The following EIF4G3 variants were observed in gnomAD, a reference collection of about 807,000 sequenced individuals.
EIF4G3 encodes the protein eIF-4-gamma 3.
EIF4G3 carries 34 observed loss-of-function variants against 186.4 expected under a neutral mutation model. The ratio of observed to expected loss-of-function variants is 0.18; its 90% CI spans 0.14 to 0.24. The LOEUF is 0.24. EIF4G3 is among the 10% of genes least tolerant of loss of function. EIF4G3 has a pLI of 1.00. For synonymous variants in EIF4G3, 673 were observed against 679.5 expected (o/e 0.99, Z 0.15); for missense variants, 1,536 against 1,948.5 (o/e 0.79, Z 3.99).
At chr1:21,166,675 T>C (rs2097860524) in intron 2 of EIF4G3, among the ~76,000 whole-genome samples, 1 of 152,048 alleles carries the variant, frequency 6.6e-6, no homozygotes, top group Admixed American at 6.6e-5. Context: ...TGCAGTGAGC[T>C]GAGATGGAGA....
intron 33 of EIF4G3, among the ~76,000 whole-genome samples, 173 bp from the exon 34 acceptor site, chr1:20,817,711 G>T (rs1472333701): frequency 2.2e-5 from 3 of 137,146 alleles, no homozygotes; most frequent in South Asian, 2.3e-4. Context: ...TTTGAGACAG[G>T]GTCTTGCTCT....
chr1:20,843,634 T>A (rs1044415316), intron 29 of EIF4G3, among the ~76,000 whole-genome samples: 5 of 152,214 alleles, frequency 3.3e-5, no homozygotes, highest in Admixed American at 3.3e-4. Flanking sequence ...ATTAGCTATA[T>A]CATGATATAT....
At chr1:21,023,260 C>T (rs1328402693) in intron 4 of EIF4G3, among the ~76,000 whole-genome samples, 2 of 120,144 alleles carry the variant, frequency 1.7e-5, no homozygotes, top group Non-Finnish European at 3.5e-5. Context: ...CCCCCCCTCC[C>T]CCTCCCTCTC....
At chr1:20,980,210 T>C in intron 10 of EIF4G3, 124 bp downstream of exon 10, 1 of 664,146 alleles carries the variant, frequency 1.5e-6, no homozygotes, top group Non-Finnish European at 2.5e-6. Flanking sequence ...GAAAGAACTG[T>C]TAGCAGCATG....
At chr1:21,081,935 C>T (rs1300297042) in intron 3 of EIF4G3, among the ~76,000 whole-genome samples, 2 of 151,750 alleles carry the variant, frequency 1.3e-5, no homozygotes, top group Non-Finnish European at 2.9e-5. Flanking sequence ...GAGCCAACCA[C>T]GCACAGCCCC....
At chr1:21,137,740 G>A (rs186574000) in intron 2 of EIF4G3, among the ~76,000 whole-genome samples, 1 of 150,622 alleles carries the variant, frequency 6.6e-6, no homozygotes, top group Admixed American at 6.6e-5. Flanking sequence ...AGGATCACTT[G>A]AGCCTGGTGG....
chr1:20,931,374 T>C (rs1191969182), intron 14 of EIF4G3, among the ~76,000 whole-genome samples: 1 of 152,154 alleles, frequency 6.6e-6, no homozygotes, highest in East Asian at 1.9e-4. Context: ...GGGCAGTAGG[T>C]CTCTACAGTA....
At chr1:21,058,122 T>C (rs2094653386) in intron 3 of EIF4G3, among the ~76,000 whole-genome samples, 1 of 152,168 alleles carries the variant, frequency 6.6e-6, no homozygotes, top group Non-Finnish European at 1.5e-5. Context: ...AAATAAAATA[T>C]GGAAAACAAA....
At chr1:21,007,532 A>AAAAAC (rs2085536620) in intron 4 of EIF4G3, among the ~76,000 whole-genome samples, 2 of 144,742 alleles carry the variant, frequency 1.4e-5, no homozygotes, top group South Asian at 2.2e-4. Flanking sequence ...AAAAAAAAAA[A>AAAAAC]AAAAACACAC....
Position 20,941,741 on chromosome 1 carries a change from A to G in EIF4G3, c.1413T>C (p.Pro471=). Residue 471 remains proline, a synonymous_variant, in exon 14 of 37, where the codon CCT becomes CCC. Transcript: ENST00000602326. ...PITPSTVPSF[P]PTPPTPPASP... ...AAGCTGGAGGAGTTGGAGGAGTTGG[A>G]GGAAAGGAAGGAACTGTGGAAGGGG... is the stretch of plus-strand genomic sequence containing the variant. 1.9e-6 allele frequency: 3 copies of G among 1,610,492 alleles called. No homozygotes were observed. Among genetic ancestry groups the G allele is most frequent in the Non-Finnish European group, 2.5e-6 (3 of 1,178,200 alleles).
intron 36 of EIF4G3, among the ~76,000 whole-genome samples, chr1:20,809,038 A>G: frequency 6.6e-6 from 1 of 151,716 alleles, no homozygotes; most frequent in East Asian, 1.9e-4. Context: ...CAGTGGCATG[A>G]TCTCGGCTCA....
chr1:21,119,637 A>G (rs530300573), intron 2 of EIF4G3, among the ~76,000 whole-genome samples: 15 of 152,336 alleles, frequency 9.8e-5, no homozygotes, highest in African/African-American at 2.9e-4. Flanking sequence ...AAGAAACTAT[A>G]GATATAACCA....
chr1:20,898,560 G>T (rs1203050150), intron 16 of EIF4G3, among the ~76,000 whole-genome samples: 2 of 151,676 alleles, frequency 1.3e-5, no homozygotes, highest in African/African-American at 4.8e-5. Flanking sequence ...TTAAAATGTT[G>T]GTTGTGACCT....
At chr1:20,984,180 G>A (rs1379851969) in intron 7 of EIF4G3, among the ~76,000 whole-genome samples, 5 of 151,254 alleles carry the variant, frequency 3.3e-5, no homozygotes, top group Admixed American at 6.6e-5. Flanking sequence ...TTCTTTTGTC[G>A]GGGGGAGATG....
intron 4 of EIF4G3, among the ~76,000 whole-genome samples, chr1:21,022,621 T>C (rs1193612559): frequency 6.6e-6 from 1 of 152,240 alleles, no homozygotes. Context: ...AAGCTCAATT[T>C]AGACATCACA....
chr1:20,897,712 T>C (rs923702195), intron 16 of EIF4G3, among the ~76,000 whole-genome samples: 2 of 152,020 alleles, frequency 1.3e-5, no homozygotes, highest in Non-Finnish European at 2.9e-5. Flanking sequence ...ATTATATTTA[T>C]TAAAAAGTAG....
intron 13 of EIF4G3, among the ~76,000 whole-genome samples, chr1:20,945,240 CTAA>C (rs2095885821): frequency 6.6e-6 from 1 of 151,512 alleles, no homozygotes; most frequent in Non-Finnish European, 1.5e-5. Context: ...AAGAATTTTT[CTAA>C]TAATCATGAA....
intron 4 of EIF4G3, among the ~76,000 whole-genome samples, chr1:21,039,111 TGAAAA>T (rs1270893738): frequency 2.0e-5 from 3 of 152,040 alleles, no homozygotes; most frequent in Admixed American, 6.6e-5. Flanking sequence ...TACAGAGCAA[TGAAAA>T]GAAAAGAGCC....
chr1:21,098,942 T>C (rs1221215216), intron 2 of EIF4G3, among the ~76,000 whole-genome samples: 1 of 152,044 alleles, frequency 6.6e-6, no homozygotes, highest in African/African-American at 2.4e-5. Flanking sequence ...TAGCCTCAAA[T>C]GGGGAAAAGT....
Sources: gnomAD v4.1 joint callset for allele counts (sites outside exome capture counted in the v4.1 genomes callset) on GRCh38, gnomAD v4.1.1 for gene constraint, MANE v1.5 for transcripts, NCBI Gene and HGNC (gene_info 2026-07-23, HGNC 2026-07-21) for gene names.